The following SNX1 variants were observed in gnomAD, a reference collection of about 807,000 sequenced individuals.
SNX1 encodes the protein sorting nexin-1.
A neutral mutation model predicts 71.8 loss-of-function variants in SNX1; 36 were observed. The observed-to-expected ratio is 0.50, with a 90% CI of 0.38 to 0.66. The LOEUF (loss-of-function observed/expected upper bound fraction) is 0.66, where lower values mean the gene tolerates loss of function less well. Among genes scored for constraint, SNX1 ranks in the 30% least tolerant of loss-of-function variants. SNX1 has a pLI of 0.00. For synonymous variants in SNX1, 254 were observed against 240.7 expected, an observed-to-expected ratio of 1.06 and a Z score of -0.51; for missense variants, 612 against 646.7, an observed-to-expected ratio of 0.95 and a Z score of 0.58.
chr15:64,128,746 A>G (rs749946349), intron 8 of SNX1, among the ~76,000 whole-genome samples: 9 of 152,154 alleles, frequency 5.9e-5, no homozygotes, highest in Non-Finnish European at 1.3e-4. Flanking sequence ...ACCCCTAAGC[A>G]GGGTATGTCT....
chr15:64,128,188 T>C (rs2081272980), intron 8 of SNX1, among the ~76,000 whole-genome samples: 2 of 152,212 alleles, frequency 1.3e-5, no homozygotes, highest in South Asian at 2.1e-4. Flanking sequence ...AAAGTGTTGA[T>C]TGAAGTAGAC....
chr15:64,120,778 CT>C (rs2081189455), intron 4 of SNX1, among the ~76,000 whole-genome samples: 1 of 152,098 alleles, frequency 6.6e-6, no homozygotes, highest in Admixed American at 6.5e-5. Context: ...AAGGTCAAGG[CT>C]GCAGTGAGCT....
At chr15:64,118,701 A>T in intron 3 of SNX1, 87 bp from the exon 4 acceptor site, 1 of 948,202 alleles carries the variant, frequency 1.1e-6, no homozygotes. Context: ...TCTTGATTTT[A>T]TTAGATTGGT....
chr15:64,106,557 G>A (rs1344722793), intron 1 of SNX1, among the ~76,000 whole-genome samples: 2 of 152,218 alleles, frequency 1.3e-5, no homozygotes, highest in Admixed American at 1.3e-4. Context: ...GTTAGGTTAT[G>A]TGGCAAGGGG....
intron 7 of SNX1, 62 bp downstream of exon 7, chr15:64,127,314 GTC>G: frequency 1.5e-6 from 2 of 1,319,676 alleles, no homozygotes; most frequent in Non-Finnish European, 1.1e-6. Context: ...TGAAAAGTGA[GTC>G]TAAATGACGA....
chr15:64,096,067 C>A lies in SNX1; in HGVS notation c.54C>A (p.Phe18Leu). 1.3e-6 allele frequency: 2 copies of A among 1,584,484 alleles called. No homozygotes were observed. The highest frequency in any genetic ancestry group is 1.7e-6 in the Non-Finnish European group (2 of 1,169,000). Residue 18 changes from phenylalanine (F) to leucine (L), a missense_variant, in exon 1 of 15, where the codon TTC becomes TTA. Phe to Leu is a conservative substitution (Grantham distance 22). Coordinates refer to ENST00000559844, the MANE Select transcript of SNX1 (RefSeq NM_003099.5). ...CTTCGGAGAGACTGCCTCCGCCCTT[C>A]CCCGGCCTGGAGCCGGAGTCCGAGG... ...CSASERLPPPFPGLEPESEGA... is the reference protein window; with the variant it reads ...CSASERLPPPLPGLEPESEGA...
At chr15:64,116,272 G>A (rs1457457085) in intron 2 of SNX1, among the ~76,000 whole-genome samples, 1 of 152,202 alleles carries the variant, frequency 6.6e-6, no homozygotes, top group Non-Finnish European at 1.5e-5. Flanking sequence ...CTCACATTGA[G>A]TAAGTAGGCT....
At position 64,112,691 on chromosome 15, in the gene SNX1, T is replaced by C. The variant is rs2081089354; in HGVS notation, c.271+7T>C. On this transcript the variant is annotated splice_region_variant and intron_variant, in intron 2 of 14. Transcript: ENST00000559844. ...CCACAGGATCTCTTTGCAGGCAAGT[T>C]TGGACTCAAAAGTTACTCTAGGAAC... 6.3e-7 allele frequency: 1 copy of C among 1,598,346 alleles called. No individual in the cohort carries two copies. Among genetic ancestry groups the C allele is most frequent in the Non-Finnish European group, 8.6e-7 (1 of 1,168,318 alleles).
At position 64,137,682 on chromosome 15, in the gene SNX1, C is replaced by T. The variant is rs967076949; in HGVS notation, c.*64C>T. On this transcript the variant is annotated 3_prime_UTR_variant, in exon 15 of 15. Coordinates refer to ENST00000559844, the MANE Select transcript of SNX1 (RefSeq NM_003099.5). ...CTTTTTATACACTGTCCTCCTCCAC[C>T]TTGATGGACCCCTAGTGATGCATCC... is the stretch of plus-strand genomic sequence containing the variant. 1.7e-5 allele frequency: 28 copies of T among 1,610,360 alleles called. No individual in the cohort carries two copies. Among genetic ancestry groups the T allele is most frequent in the Non-Finnish European group, 2.3e-5 (27 of 1,177,852 alleles).
chr15:64,112,761 A>C (rs79833482), intron 2 of SNX1, 77 bp downstream of exon 2: 1 of 612,802 alleles, frequency 1.6e-6, no homozygotes, highest in Non-Finnish European at 2.6e-6. Context: ...GTCAAAACCA[A>C]AAAAAAAAAA....
chr15:64,132,233 C>G (rs577553846), intron 11 of SNX1: 1 of 306,166 alleles, frequency 3.3e-6, no homozygotes, highest in East Asian at 8.3e-5. Context: ...CTCTCTTGGT[C>G]CCCTGGAGCA....
chr15:64,108,875 C>G lies in SNX1; in HGVS notation c.160-3698C>G, dbSNP rs1039448115. On this transcript the variant is annotated intron_variant, in intron 1 of 14. Transcript: ENST00000559844. Reference sequence around the variant, plus strand: ...TGGTGGTGGGCGCCCATAATCCCAGCTACTCAGGAGGCTGAGGAAGGAGAA... The same window carrying G: ...TGGTGGTGGGCGCCCATAATCCCAGGTACTCAGGAGGCTGAGGAAGGAGAA... Among the ~76,000 whole-genome samples the G allele has an allele frequency of 6.3e-4, 95 of 151,566 alleles. 1 individual carries two copies. Among genetic ancestry groups the G allele is most frequent in the Non-Finnish European group, 1.9e-4 (13 of 67,956 alleles).
chr15:64,135,051 C>T (rs940922692), intron 12 of SNX1: 9 of 492,098 alleles, frequency 1.8e-5, no homozygotes, highest in Admixed American at 7.4e-5. Flanking sequence ...TGGTGGCTCG[C>T]GCCTGTAATC....
intron 11 of SNX1, chr15:64,132,302 G>T: frequency 4.7e-6 from 1 of 212,548 alleles, no homozygotes; most frequent in Non-Finnish European, 9.6e-6. Flanking sequence ...GCTTTGCCCT[G>T]GTTAAGAGCT....
At chr15:64,126,484 C>T (rs143475534) in intron 6 of SNX1, among the ~76,000 whole-genome samples, 2 of 152,254 alleles carry the variant, frequency 1.3e-5, no homozygotes, top group African/African-American at 2.4e-5. Flanking sequence ...TACATGATTG[C>T]GGTTGCCTCC....
intron 1 of SNX1, among the ~76,000 whole-genome samples, chr15:64,097,380 TTTTGGGAATTCAGC>T (rs61595570): frequency 0.3 from 45,120 of 151,962 alleles, 7,728 homozygotes; most frequent in South Asian, 0.57. Flanking sequence ...AGGGGGTTCC[TTTTGGGAATTCAGC>T]TTTGGGAAGT....
chr15:64,131,493 G>A (rs1018355528), intron 10 of SNX1, 194 bp from the exon 11 acceptor site: 6 of 586,830 alleles, frequency 1.0e-5, no homozygotes, highest in African/African-American at 3.7e-5. Context: ...TCTCCCTCCT[G>A]CTCCTGTGAC....
At chr15:64,114,815 A>G (rs1417564775) in intron 2 of SNX1, among the ~76,000 whole-genome samples, 1 of 152,194 alleles carries the variant, frequency 6.6e-6, no homozygotes, top group African/African-American at 2.4e-5. Flanking sequence ...AATATACAAT[A>G]TTTATTCTGA....
intron 1 of SNX1, among the ~76,000 whole-genome samples, chr15:64,100,737 T>TC (rs2080952184): frequency 6.6e-6 from 1 of 152,182 alleles, no homozygotes; most frequent in Admixed American, 6.5e-5. Flanking sequence ...AAGGACATGG[T>TC]CTTTTCAGAA....
Sources: gnomAD v4.1 joint callset for allele counts (sites outside exome capture counted in the v4.1 genomes callset) on GRCh38, gnomAD v4.1.1 for gene constraint, MANE v1.5 for transcripts, NCBI Gene and HGNC (gene_info 2026-07-23, HGNC 2026-07-21) for gene names.